The following INPP5A variants were observed in gnomAD, a reference collection of about 807,000 sequenced individuals.
INPP5A encodes the protein 43 kDa inositol polyphosphate 5-phophatase.
A neutral mutation model predicts 65.2 loss-of-function variants in INPP5A; 14 were observed. That is an observed-to-expected ratio of 0.21 (90% CI 0.14 to 0.34). The LOEUF is 0.34. Ranked by LOEUF, INPP5A falls within the 10% of genes least tolerant of loss-of-function variation. The pLI is 1.00. For synonymous variants in INPP5A, 207 were observed against 208.3 expected (o/e 0.99, Z 0.05); for missense variants, 431 against 545.6 (o/e 0.79, Z 2.09).
In INPP5A at chr10:132,707,765, T is replaced by C. The variant is rs1393387007; in HGVS notation, c.475-548T>C. Among the ~76,000 whole-genome samples, 2 of 151,844 alleles carry C rather than the reference T, an allele frequency of 1.3e-5. No homozygotes were observed. The highest frequency in any genetic ancestry group is 1.5e-5 in the Non-Finnish European group (1 of 67,986). Reference sequence around the variant, plus strand: ...CTCTACGTTCGGTGGCTCTGCTAGGTGGTGGGGATCAGTGAGAGGCATCGG... The same window carrying C: ...CTCTACGTTCGGTGGCTCTGCTAGGCGGTGGGGATCAGTGAGAGGCATCGG... On this transcript the variant is annotated intron_variant, in intron 6 of 15. Transcript: ENST00000368594. The surrounding 1 kb of genome is among the most constrained non-coding windows in gnomAD (Gnocchi z 5.5).
rs200780191 is a variant in INPP5A at position 132,697,795 on chromosome 10, C to T, written c.371-21C>T. 887 of 1,529,434 alleles carry T rather than the reference C, an allele frequency of 5.8e-4. No homozygotes were observed. The highest frequency in any genetic ancestry group is 7.9e-4 in the Admixed American group (47 of 59,402). The allele number at this position is 1,529,434 out of a possible 1,614,324, so 94.7% of individuals were successfully genotyped here. ...GGGCACAGTGATGGGATAGTCACCTCGTCCTTCTGGTCTCTTCCAGCTAAG... is the reference window on the plus strand; with the variant it reads ...GGGCACAGTGATGGGATAGTCACCTTGTCCTTCTGGTCTCTTCCAGCTAAG... On this transcript the variant is annotated intron_variant, in intron 5 of 15. Coordinates refer to ENST00000368594, the MANE Select transcript of INPP5A (RefSeq NM_005539.5). This position sits in a 1 kb window ranked among gnomAD's most constrained non-coding sequence, Gnocchi z 5.6.
chr10:132,710,204 T>G (rs1340563842), intron 7 of INPP5A, 133 bp from the exon 8 acceptor site: 1 of 955,700 alleles, frequency 1.0e-6, no homozygotes, highest in African/African-American at 1.7e-5. Context: ...GGTGGACAGG[T>G]GCCCCGCCTC....
chr10:132,734,472 G>T (rs1429901155), intron 9 of INPP5A, among the ~76,000 whole-genome samples: 1 of 152,270 alleles, frequency 6.6e-6, no homozygotes, highest in African/African-American at 2.4e-5. Context: ...GCAGAGTGCG[G>T]ATTCGCAGCG....
chr10:132,584,294 A>G (rs2071521736), intron 1 of INPP5A, among the ~76,000 whole-genome samples: 2 of 152,220 alleles, frequency 1.3e-5, no homozygotes, highest in African/African-American at 2.4e-5. Flanking sequence ...CTGTGTTTGA[A>G]AAGAGCCATC....
At chr10:132,767,449 G>A (rs1846867843) in intron 12 of INPP5A, among the ~76,000 whole-genome samples, 1 of 152,180 alleles carries the variant, frequency 6.6e-6, no homozygotes, top group South Asian at 2.1e-4. Context: ...TTTTTGGACA[G>A]GTTGGAGGAG....
At chr10:132,770,829 G>T (rs1342301353) in intron 12 of INPP5A, among the ~76,000 whole-genome samples, 2 of 152,240 alleles carry the variant, frequency 1.3e-5, no homozygotes, top group African/African-American at 2.4e-5. Context: ...GCCACCCAGG[G>T]TGTGGGAGTC....
chr10:132,755,827 G>T (rs1406717616), intron 11 of INPP5A, among the ~76,000 whole-genome samples: 1 of 152,194 alleles, frequency 6.6e-6, no homozygotes. Context: ...GGCTCTGCAG[G>T]TCTCTCTTGG....
At chr10:132,775,493 C>G (rs1396895389) in intron 12 of INPP5A, among the ~76,000 whole-genome samples, 1 of 152,144 alleles carries the variant, frequency 6.6e-6, no homozygotes, top group Non-Finnish European at 1.5e-5. Flanking sequence ...GCAGTCCACA[C>G]TGGCCTTCCC....
At chr10:132,590,711 G>C (rs1371570027) in intron 1 of INPP5A, among the ~76,000 whole-genome samples, 1 of 152,166 alleles carries the variant, frequency 6.6e-6, no homozygotes, top group Non-Finnish European at 1.5e-5. Context: ...CAGGGGCCAC[G>C]TGCCGTCTTT....
chr10:132,583,025 G>T (rs2071504670), intron 1 of INPP5A, among the ~76,000 whole-genome samples: 2 of 152,184 alleles, frequency 1.3e-5, no homozygotes, highest in Admixed American at 6.5e-5. Context: ...GTGCGGGGGA[G>T]TGATGTCTTC....
At chr10:132,599,412 A>C (rs897780662) in intron 1 of INPP5A, among the ~76,000 whole-genome samples, 10 of 152,354 alleles carry the variant, frequency 6.6e-5, no homozygotes, top group African/African-American at 2.4e-4. Flanking sequence ...CTGGTCTCAC[A>C]TCTAGGTCAC....
rs567805997 is a variant in INPP5A at position 132,673,320 on chromosome 10, T to C, written c.307-17072T>C. 3.9e-5 allele frequency among the ~76,000 whole-genome samples: 6 copies of C among 152,348 alleles called. No individual in the cohort carries two copies. In the South Asian group the frequency reaches 1.2e-3, roughly 32 times the overall value. On this transcript the variant is annotated intron_variant, in intron 4 of 15. Transcript: ENST00000368594. The stretch of plus-strand genomic sequence containing the variant: ...CAGGAACAGGAAGCAAAACTTTTGC[T>C]AGTGGATCATTAGGGGTGATGGTGA...
In INPP5A at chr10:132,575,583, G is replaced by A. The variant is rs564683013; in HGVS notation, c.76-32332G>A. On this transcript the variant is annotated intron_variant, in intron 1 of 15. Transcript: ENST00000368594. This position sits in a 1 kb window ranked among gnomAD's most constrained non-coding sequence, Gnocchi z 5.4. Reference sequence around the variant, plus strand: ...CTTCCCTAACCCAACCACAAGCAGCGGAGCCAGTTATTTCTTGGCTTCTCT... The same window carrying A: ...CTTCCCTAACCCAACCACAAGCAGCAGAGCCAGTTATTTCTTGGCTTCTCT... Among the ~76,000 whole-genome samples, 15 of 152,320 alleles carry A rather than the reference G, an allele frequency of 9.8e-5. No homozygotes were observed. The highest frequency in any genetic ancestry group is 9.6e-4 in the East Asian group (5 of 5,190).
chr10:132,612,653 G>T (rs935993520), intron 2 of INPP5A, among the ~76,000 whole-genome samples: 2 of 152,318 alleles, frequency 1.3e-5, no homozygotes, highest in Non-Finnish European at 2.9e-5. Flanking sequence ...GGCGCTGGCT[G>T]GAGGGGCCCT....
intron 11 of INPP5A, among the ~76,000 whole-genome samples, chr10:132,755,686 G>A (rs1397094134): frequency 6.6e-6 from 1 of 152,122 alleles, no homozygotes; most frequent in Non-Finnish European, 1.5e-5. Context: ...GAGTGGGTGT[G>A]TGTGGGGGGT....
In INPP5A at chr10:132,782,517, C is replaced by T. The variant is rs967226432; in HGVS notation, c.*488C>T. On this transcript the variant is annotated 3_prime_UTR_variant, in exon 16 of 16. Transcript: ENST00000368594. This position sits in a 1 kb window ranked among gnomAD's most constrained non-coding sequence, Gnocchi z 4.4. Reference sequence around the variant, plus strand: ...GCATGGCAAGGGGGTCTGTCTCTGCCGATGCTCCTTCCGCGGCACTGACTC... The same window carrying T: ...GCATGGCAAGGGGGTCTGTCTCTGCTGATGCTCCTTCCGCGGCACTGACTC... 44 of 168,468 alleles carry T rather than the reference C, an allele frequency of 2.6e-4. No homozygotes were observed. Among genetic ancestry groups the T allele is most frequent in the Middle Eastern group, 2.9e-3 (1 of 346 alleles). The allele number at this position is 168,468 out of a possible 1,614,324, so 10.4% of individuals were successfully genotyped here. A position where few individuals can be genotyped will look rare whatever the true frequency, so the allele number is the denominator to read the frequency against.
intron 1 of INPP5A, among the ~76,000 whole-genome samples, chr10:132,562,508 C>G (rs1266981991): frequency 6.6e-6 from 1 of 152,234 alleles, no homozygotes; most frequent in Non-Finnish European, 1.5e-5. Context: ...AGCCTCGGCT[C>G]CCTGCACACC....
intron 5 of INPP5A, among the ~76,000 whole-genome samples, chr10:132,691,052 G>A (rs1052166970): frequency 6.6e-6 from 1 of 152,210 alleles, no homozygotes; most frequent in Non-Finnish European, 1.5e-5. Flanking sequence ...ACCCCACGCG[G>A]CCTCCGGAGC....
Position 132,644,775 on chromosome 10 carries a change from C to T in INPP5A, c.118-1093C>T, listed in dbSNP as rs111719449. 1.4e-4 allele frequency among the ~76,000 whole-genome samples: 22 copies of T among 152,310 alleles called. No individual in the cohort carries two copies. The highest frequency in any genetic ancestry group is 4.8e-4 in the African/African-American group (20 of 41,560). On this transcript the variant is annotated intron_variant, in intron 2 of 15. Transcript: ENST00000368594. The surrounding 1 kb of genome is among the most constrained non-coding windows in gnomAD (Gnocchi z 6.5). ...CTGCGCATCCTGTGTTCCAGGGGAG[C>T]GGGGTCAATCAGTGCCTCACCCCTC...
Sources: gnomAD v4.1 joint callset for allele counts (sites outside exome capture counted in the v4.1 genomes callset) on GRCh38, gnomAD v4.1.1 for gene constraint, Gnocchi (gnomAD v3.1) non-coding constraint, MANE v1.5 for transcripts, NCBI Gene and HGNC (gene_info 2026-07-23, HGNC 2026-07-21) for gene names.